The following TIMM23 variants were observed in gnomAD, a reference collection of about 807,000 sequenced individuals.
TIMM23 encodes mitochondrial import inner membrane translocase subunit Tim23.
TIMM23 carries 19 observed loss-of-function variants against 30.7 expected under a neutral mutation model. The observed-to-expected ratio is 0.62, with a 90% CI of 0.43 to 0.91. The LOEUF is 0.91. Ranked by LOEUF, TIMM23 falls within the 40% of genes least tolerant of loss-of-function variation. The probability of loss-of-function intolerance (pLI) is 0.00; values close to 1 mark genes in which losing one functional copy is unlikely to be tolerated. For missense variants in TIMM23, 202 were observed against 269.2 expected, an observed-to-expected ratio of 0.75 and a Z score of 1.75; for synonymous variants, 78 against 98.5, an observed-to-expected ratio of 0.79 and a Z score of 1.23.
chr10:46,001,551 A>G (rs1266469712), intron 6 of TIMM23, among the ~76,000 whole-genome samples: 5 of 152,124 alleles, frequency 3.3e-5, no homozygotes, highest in Non-Finnish European at 7.3e-5. Flanking sequence ...CGTTGCAGAA[A>G]TGGTTAGTTC....
intron 6 of TIMM23, among the ~76,000 whole-genome samples, chr10:45,997,770 A>G (rs1449352114): frequency 6.6e-6 from 1 of 152,076 alleles, no homozygotes; most frequent in East Asian, 1.9e-4. Context: ...AAACCACTGC[A>G]CTCCAGCCTG....
rs1204836131 is a variant in TIMM23, at chr10:45,996,311, G to A, written c.515-6892G>A. 6.9e-5 allele frequency among the ~76,000 whole-genome samples: 10 copies of A among 144,336 alleles called. No homozygotes were observed. In the East Asian group the frequency reaches 8.0e-4, roughly 12 times the overall value. 94.7% of individuals were successfully genotyped at this position (144,336 alleles called of 152,430 possible). ...TGGGAGGCAAGGCTTGCAGTGAGCC[G>A]AGATTACACCACTGCACTCCAGCCT... On this transcript the variant is annotated intron_variant, in intron 6 of 6. Transcript: ENST00000580018.
intron 6 of TIMM23, among the ~76,000 whole-genome samples, chr10:46,001,375 A>G (rs1367349331): frequency 6.6e-6 from 1 of 151,926 alleles, no homozygotes; most frequent in Non-Finnish European, 1.5e-5. Flanking sequence ...AGCTGTTTAT[A>G]GATAATGTCT....
At position 45,999,758 on chromosome 10, in the gene TIMM23, A is replaced by C. The variant is rs587625428; in HGVS notation, c.515-3445A>C. 2.6e-5 allele frequency among the ~76,000 whole-genome samples: 4 copies of C among 152,248 alleles called. No homozygotes were observed. The East Asian group carries it at 7.7e-4, about 29-fold the overall frequency. Reference sequence around the variant, plus strand: ...GTCTGACCAAAATTTATTAGGCAGGAATTTCCTCTTCCTAATAAGCCTGGG... The same window carrying C: ...GTCTGACCAAAATTTATTAGGCAGGCATTTCCTCTTCCTAATAAGCCTGGG... On this transcript the variant is annotated intron_variant, in intron 6 of 6. Transcript: ENST00000580018.
chr10:45,990,022 G>A (rs1377267695), intron 6 of TIMM23, among the ~76,000 whole-genome samples: 1 of 151,410 alleles, frequency 6.6e-6, no homozygotes. Flanking sequence ...TTAAGTCAAG[G>A]TTTTTATCTT....
chr10:45,994,947 T>C (rs1838284772), intron 6 of TIMM23, among the ~76,000 whole-genome samples: 1 of 152,066 alleles, frequency 6.6e-6, no homozygotes, highest in Admixed American at 6.5e-5. Context: ...GTGCCCTGTC[T>C]TCCTGGGTCT....
Position 45,994,189 on chromosome 10 carries a change from A to C in TIMM23, c.514+5342A>C, listed in dbSNP as rs1451706783. ...ACCCCATCTCTACTAAAATACAAAA[A>C]CCAGCCGGGCATGATAGCGGGTGCC... On this transcript the variant is annotated intron_variant, in intron 6 of 6. Transcript: ENST00000580018. Among the ~76,000 whole-genome samples the C allele has an allele frequency of 6.6e-5, 10 of 151,974 alleles. No individual in the cohort carries two copies. In the East Asian group the frequency reaches 2.0e-3, roughly 30 times the overall value.
rs1032615919 is a variant in TIMM23, at chr10:45,997,805, A to C, written c.515-5398A>C. Among the ~76,000 whole-genome samples, 866 of 152,324 alleles carry C rather than the reference A, an allele frequency of 5.7e-3. 3 individuals carry two copies. Among genetic ancestry groups the C allele is most frequent in the Non-Finnish European group, 0.01 (704 of 68,016 alleles). ...GGGCGACAGAGCAAGACCCTGTCTC[A>C]GAAGAAAAAATAAAGGAAAAGTAGA... is the stretch of plus-strand genomic sequence containing the variant. On this transcript the variant is annotated intron_variant, in intron 6 of 6. Transcript: ENST00000580018.
intron 6 of TIMM23, among the ~76,000 whole-genome samples, chr10:45,993,244 C>CTTTTTTTTTTTTTTTTTTTTT (rs782013689): frequency 1.4e-4 from 10 of 72,038 alleles, no homozygotes; most frequent in African/African-American, 6.1e-4. Context: ...TCTACCATCA[C>CTTTTTTTTTTTTTTTTTTTTT]TTTTTTTTTT....
chr10:45,992,103 A>G (rs1471777458), intron 6 of TIMM23, among the ~76,000 whole-genome samples: 62 of 152,082 alleles, frequency 4.1e-4, no homozygotes, highest in Admixed American at 3.3e-3. Context: ...AGTGGTTCAG[A>G]CTACAGGTGC....
intron 2 of TIMM23, among the ~76,000 whole-genome samples, chr10:45,977,120 G>A: frequency 6.7e-6 from 1 of 149,476 alleles, no homozygotes; most frequent in East Asian, 1.9e-4. Flanking sequence ...AAAGACACAT[G>A]CTATGATCCT....
intron 4 of TIMM23, among the ~76,000 whole-genome samples, chr10:45,985,071 G>T (rs1437506256): frequency 4.0e-5 from 6 of 151,768 alleles, no homozygotes; most frequent in Admixed American, 2.0e-4. Context: ...GTCATTCAAA[G>T]CCTTATATAT....
intron 6 of TIMM23, chr10:45,992,304 A>C (rs1838189221): frequency 2.2e-6 from 1 of 449,102 alleles, no homozygotes; most frequent in African/African-American, 2.0e-5. Context: ...GTGTCCTTTT[A>C]GGAGAGTTTT....
chr10:45,991,928 T>G (rs1838174951), intron 6 of TIMM23, among the ~76,000 whole-genome samples: 1 of 152,018 alleles, frequency 6.6e-6, no homozygotes, highest in Non-Finnish European at 1.5e-5. Context: ...TGTCCCTTAC[T>G]TGTCTCTTCC....
chr10:45,977,165 A>G (rs1837698104), intron 2 of TIMM23, among the ~76,000 whole-genome samples: 2 of 149,420 alleles, frequency 1.3e-5, no homozygotes. Context: ...GTGCTCACCA[A>G]ATTAACCAAC....
At chr10:45,979,521 G>A (rs1301760418) in intron 2 of TIMM23, among the ~76,000 whole-genome samples, 2 of 149,266 alleles carry the variant, frequency 1.3e-5, no homozygotes, top group African/African-American at 5.0e-5. Context: ...GCCCAGGCTG[G>A]TCTCTTAACT....
intron 5 of TIMM23, among the ~76,000 whole-genome samples, chr10:45,986,582 G>T (rs1837996093): frequency 6.6e-6 from 1 of 152,158 alleles, no homozygotes; most frequent in Non-Finnish European, 1.5e-5. Flanking sequence ...TGCAGTAGAG[G>T]AGTTGTAAGG....
rs1478101704 is a variant in TIMM23, at chr10:46,003,624, C to T, written c.*306C>T. ...AACCACTTACTCCCAGAATTCAGGT[C>T]GTGCTTGTTAGTACTATATCACCAA... On this transcript the variant is annotated 3_prime_UTR_variant, in exon 7 of 7. Coordinates refer to ENST00000580018, the MANE Select transcript of TIMM23 (RefSeq NM_006327.4). 4 of 247,336 alleles carry T rather than the reference C, an allele frequency of 1.6e-5. No homozygotes were observed. Among genetic ancestry groups the T allele is most frequent in the African/African-American group, 6.8e-5 (3 of 44,314 alleles). 15.3% of individuals were successfully genotyped at this position (247,336 alleles called of 1,614,324 possible).
intron 6 of TIMM23, chr10:46,002,414 C>T: frequency 3.3e-6 from 2 of 606,644 alleles, no homozygotes; most frequent in Non-Finnish European, 4.1e-6. Context: ...GAGCTCAAGC[C>T]TGCCTCAGCC....
Sources: gnomAD v4.1 joint callset for allele counts (sites outside exome capture counted in the v4.1 genomes callset) on GRCh38, gnomAD v4.1.1 for gene constraint, MANE v1.5 for transcripts, NCBI Gene and HGNC (gene_info 2026-07-23, HGNC 2026-07-21) for gene names.